ZBTB18: variants seen among roughly 807,000 people sequenced by gnomAD.
The protein encoded by ZBTB18 is zinc finger and BTB domain-containing protein 18.
In ZBTB18, 2 loss-of-function variants were observed where a neutral mutation model predicts 37.7. The observed-to-expected ratio is 0.05, with a 90% CI of 0.02 to 0.17. The LOEUF (loss-of-function observed/expected upper bound fraction) is 0.17. Among genes scored for constraint, ZBTB18 ranks in the 10% least tolerant of loss-of-function variants. The pLI is 1.00. For synonymous variants in ZBTB18, 304 were observed against 276.5 expected, an observed-to-expected ratio of 1.10 and a Z score of -0.99; for missense variants, 408 against 686.3, an observed-to-expected ratio of 0.59 and a Z score of 4.53.
chr1:244,052,473 T>C (rs1698373123), intron 1 of ZBTB18, among the ~76,000 whole-genome samples: 1 of 152,204 alleles, frequency 6.6e-6, no homozygotes, highest in African/African-American at 2.4e-5. Context: ...AAGGAAGTAA[T>C]TTCTGAATAT....
chr1:244,048,809 AGGGAGGGGCGGGG>A (rs1381380540), upstream of ZBTB18: 10 of 32,542 alleles, frequency 3.1e-4, no homozygotes, highest in South Asian at 8.0e-4. Flanking sequence ...GGTGGGCGGG[AGGGAGGGGCGGGG>A]GGGAGCGGGC....
chr1:244,054,832 G>A lies in ZBTB18; in HGVS notation c.1058G>A (p.Arg353His), dbSNP rs763985762. ...GAGATGATGACCCCAGAGAGCGAGCGTGTCCAGGTGGAGGGAGGCATGGAG... is the reference window on the plus strand; with the variant it reads ...GAGATGATGACCCCAGAGAGCGAGCATGTCCAGGTGGAGGGAGGCATGGAG... ...DDEMMTPESERVQVEGGMESS... is the reference protein window; with the variant it reads ...DDEMMTPESEHVQVEGGMESS... The change falls in exon 2 of 2, where the codon CGT (arginine) becomes CAT (histidine). Residue 353 changes from arginine to histidine, a missense_variant. Transcript: ENST00000358704. This position sits in a 1 kb window ranked among gnomAD's most constrained non-coding sequence, Gnocchi z 9.0. The A allele has an allele frequency of 1.5e-5, 25 of 1,614,006 alleles. No homozygotes were observed. Among genetic ancestry groups the A allele is most frequent in the Admixed American group, 1.7e-5 (1 of 60,004 alleles).
rs564722327 is a variant in ZBTB18 at position 244,055,320 on chromosome 1, A to C, written c.1546A>C (p.Thr516Pro). The C allele has an allele frequency of 1.2e-6, 2 of 1,611,444 alleles. No individual in the cohort carries two copies. Among genetic ancestry groups the C allele is most frequent in the African/African-American group, 1.3e-5 (1 of 74,784 alleles). Reference sequence around the variant, plus strand: ...CAAAAGCGAAGCACTGAGCTTGCCTACTGTCAGAGACTGGACCTTAGAAGA... The same window carrying C: ...CAAAAGCGAAGCACTGAGCTTGCCTCCTGTCAGAGACTGGACCTTAGAAGA... Reference protein sequence around the residue: ...SVKSEALSLPTVRDWTLEDSS... With the variant: ...SVKSEALSLPPVRDWTLEDSS... The change falls in exon 2 of 2, where the codon ACT becomes CCT. Residue 516 changes from threonine (T) to proline (P), a missense_variant. Transcript: ENST00000358704. This position sits in a 1 kb window ranked among gnomAD's most constrained non-coding sequence, Gnocchi z 7.0.
rs772098192 is a variant in ZBTB18 at position 244,055,241 on chromosome 1, C to T, written c.1467C>T (p.Asp489=). 8 of 1,614,042 alleles carry T rather than the reference C, an allele frequency of 5.0e-6. No homozygotes were observed. In the South Asian group the frequency reaches 7.7e-5, roughly 16 times the overall value. ...WCERRFTQSG[D]LYRHIRKFHC... ...AGCGCAGGTTCACGCAGTCCGGGGA[C>T]CTGTACAGACACATTCGCAAGTTCC... Residue 489 remains aspartate, a synonymous_variant, in exon 2 of 2, where the codon GAC becomes GAT. Transcript: ENST00000358704. The surrounding 1 kb of genome is among the most constrained non-coding windows in gnomAD (Gnocchi z 7.0).
At chr1:244,052,024 A>G (rs1344415916) in intron 1 of ZBTB18, among the ~76,000 whole-genome samples, 2 of 152,210 alleles carry the variant, frequency 1.3e-5, no homozygotes, top group African/African-American at 2.4e-5. Flanking sequence ...TTTCAAATAT[A>G]TATTTAAGAG....
upstream of ZBTB18, among the ~76,000 whole-genome samples, chr1:244,049,714 A>G (rs546568591): frequency 1.3e-5 from 2 of 152,098 alleles, no homozygotes; most frequent in African/African-American, 4.8e-5. Flanking sequence ...CGTGTGTTTT[A>G]TGCACGGCGA....
In ZBTB18 at chr1:244,057,256, T is replaced by C. The variant is rs1221484181; in HGVS notation, c.*1886T>C. 3 of 167,076 alleles carry C rather than the reference T, an allele frequency of 1.8e-5. No individual in the cohort carries two copies. Among genetic ancestry groups the C allele is most frequent in the Non-Finnish European group, 2.9e-5 (2 of 68,126 alleles). The allele number at this position is 167,076 out of a possible 1,614,324, so 10.3% of individuals were successfully genotyped here. On this transcript the variant is annotated 3_prime_UTR_variant, in exon 2 of 2. Transcript: ENST00000358704. ...GTGAGAAAACGGACTTTCTTTTGGA[T>C]TTTCTTTTTGTGGTCATTGTGAGTG... is the stretch of plus-strand genomic sequence containing the variant.
Position 244,054,362 on chromosome 1 carries a change from G to T in ZBTB18, c.588G>T (p.Leu196Phe), listed in dbSNP as rs1361694308. The T allele has an allele frequency of 4.3e-6, 7 of 1,614,174 alleles. No homozygotes were observed. The highest frequency in any genetic ancestry group is 5.9e-6 in the Non-Finnish European group (7 of 1,180,040). ...AAEPGNMWMR[L>F]PSDSAGIPQA... The stretch of plus-strand genomic sequence containing the variant: ...AGCCTGGGAACATGTGGATGCGATT[G>T]CCCTCAGACTCAGCAGGCATCCCCC... The change falls in exon 2 of 2, where the codon TTG (leucine) becomes TTT (phenylalanine). Residue 196 changes from leucine to phenylalanine, a missense_variant. By Grantham distance (22) the Leu-to-Phe change is conservative. This residue lies in a region of ZBTB18 where 266 missense variants were observed against 312.0 expected (regional missense o/e 0.85). Transcript: ENST00000358704. The surrounding 1 kb of genome is among the most constrained non-coding windows in gnomAD (Gnocchi z 9.0).
At chr1:244,049,691 C>T (rs1318858114), upstream of ZBTB18, among the ~76,000 whole-genome samples, 2 of 152,214 alleles carry the variant, frequency 1.3e-5, no homozygotes, top group Non-Finnish European at 2.9e-5. Context: ...TGGTTTTAAC[C>T]TTCCTCTTTC....
In ZBTB18 at chr1:244,053,695, C is replaced by T. The variant is rs776451730; in HGVS notation, c.14-93C>T. On this transcript the variant is annotated intron_variant, in intron 1 of 1. Coordinates refer to ENST00000358704, the MANE Select transcript of ZBTB18 (RefSeq NM_205768.3). This position sits in a 1 kb window ranked among gnomAD's most constrained non-coding sequence, Gnocchi z 5.2. ...TAAAATTCAGGGACATGTACCACGG[C>T]GGCCAAAGCGGAATTAATTTTTTTA... is the stretch of plus-strand genomic sequence containing the variant. The T allele has an allele frequency of 7.5e-5, 113 of 1,509,016 alleles. 1 individual carries two copies. In the African/African-American group the frequency reaches 7.8e-4, roughly 10 times the overall value. The allele number at this position is 1,509,016 out of a possible 1,614,324, so 93.5% of individuals were successfully genotyped here. A position where few individuals can be genotyped will look rare whatever the true frequency, so the allele number is the denominator to read the frequency against.
upstream of ZBTB18, among the ~76,000 whole-genome samples, chr1:244,048,636 CCCG>C (rs1348022332): frequency 6.7e-4 from 91 of 136,556 alleles, 2 homozygotes; most frequent in Middle Eastern, 3.8e-3. Flanking sequence ...CCGCCCCCCC[CCCG>C]CCCCCGCCCC....
At chr1:244,050,716 A>T (rs78753716), upstream of ZBTB18, among the ~76,000 whole-genome samples, 1 of 152,202 alleles carries the variant, frequency 6.6e-6, no homozygotes, top group Admixed American at 6.5e-5. Context: ...AAGTAATTAC[A>T]TAAGAGTGAA....
At chr1:244,051,486 G>T in intron 1 of ZBTB18, 42 bp downstream of exon 1, 1 of 1,610,662 alleles carries the variant, frequency 6.2e-7, no homozygotes. Flanking sequence ...TTTCTGTTTT[G>T]GTGTTTTGTT....
rs186265239 is a variant in ZBTB18 at position 244,052,435 on chromosome 1, T to C, written c.13+991T>C. Among the ~76,000 whole-genome samples the C allele has an allele frequency of 3.2e-3, 488 of 152,360 alleles. 4 individuals carry two copies. The highest frequency in any genetic ancestry group is 3.6e-3 in the Non-Finnish European group (245 of 68,032). The stretch of plus-strand genomic sequence containing the variant: ...GGTTAGGATAAAGTTTTAGTCTGTC[T>C]TGGGCAAAGTGTAGAAGAACAAGAA... On this transcript the variant is annotated intron_variant, in intron 1 of 1. Coordinates refer to ENST00000358704, the MANE Select transcript of ZBTB18 (RefSeq NM_205768.3).
chr1:244,049,509 CCGGGGGCTCGCGCGTCGCGGCAT>C (rs1225135791), upstream of ZBTB18, among the ~76,000 whole-genome samples: 3 of 151,696 alleles, frequency 2.0e-5, no homozygotes, highest in African/African-American at 7.2e-5. Flanking sequence ...CCCGGAGGCC[CCGGGGGCTCGCGCGTCGCGGCAT>C]CGGGGAAGCG....
rs1452498553 is a variant in ZBTB18, at chr1:244,055,946, C to T, written c.*576C>T. ...CTGACAGTTCCCAGTGAGAGAAATG[C>T]TGAAAGTACACTGGGATCACTGGGA... On this transcript the variant is annotated 3_prime_UTR_variant, in exon 2 of 2. Coordinates refer to ENST00000358704, the MANE Select transcript of ZBTB18 (RefSeq NM_205768.3). This position sits in a 1 kb window ranked among gnomAD's most constrained non-coding sequence, Gnocchi z 7.0. The T allele has an allele frequency of 6.0e-6, 1 of 166,992 alleles. No individual in the cohort carries two copies. 10.3% of individuals were successfully genotyped at this position (166,992 alleles called of 1,614,324 possible). A position where few individuals can be genotyped will look rare whatever the true frequency, so the allele number is the denominator to read the frequency against.
chr1:244,052,820 A>T (rs963173856), intron 1 of ZBTB18, among the ~76,000 whole-genome samples: 1 of 150,606 alleles, frequency 6.6e-6, no homozygotes, highest in African/African-American at 2.5e-5. Flanking sequence ...AAAAAGGCTT[A>T]AAAAAAAACG....
intron 1 of ZBTB18, among the ~76,000 whole-genome samples, chr1:244,052,606 T>A (rs1345882899): frequency 6.6e-6 from 1 of 152,216 alleles, no homozygotes; most frequent in Non-Finnish European, 1.5e-5. Flanking sequence ...CCCACTGCAG[T>A]TGAATTCTGA....
chr1:244,054,969 A>G lies in ZBTB18; in HGVS notation c.1195A>G (p.Ser399Gly), dbSNP rs1400027584. 1 of 1,613,970 alleles carries G rather than the reference A, an allele frequency of 6.2e-7. No homozygotes were observed. ...PSPHILQIHL[S>G]THFREQDGIR... ...CCCCCACATCCTGCAGATCCACCTGAGCACGCACTTCCGCGAGCAGGACGG... is the reference window on the plus strand; with the variant it reads ...CCCCCACATCCTGCAGATCCACCTGGGCACGCACTTCCGCGAGCAGGACGG... Residue 399 changes from serine (S) to glycine (G), a missense_variant, in exon 2 of 2, where the codon AGC (serine) becomes GGC (glycine). Physicochemically the swap from Ser to Gly is moderately conservative, Grantham distance 56 (BLOSUM62 0). Coordinates refer to ENST00000358704, the MANE Select transcript of ZBTB18 (RefSeq NM_205768.3). This position sits in a 1 kb window ranked among gnomAD's most constrained non-coding sequence, Gnocchi z 9.0.
Sources: allele counts gnomAD v4.1 joint callset (sites outside exome capture counted in the v4.1 genomes callset), GRCh38; gene constraint gnomAD v4.1.1; regional missense constraint gnomAD v4.1.1; non-coding constraint Gnocchi (gnomAD v3.1); transcripts MANE v1.5; gene names NCBI Gene and HGNC (gene_info 2026-07-23, HGNC 2026-07-21).